C8A: variants seen among roughly 807,000 people sequenced by gnomAD.
The protein encoded by C8A is complement C8 alpha chain.
In C8A, 67 loss-of-function variants were observed where a neutral mutation model predicts 65.3. The ratio of observed to expected loss-of-function variants is 1.03; its 90% confidence interval spans 0.84 to 1.26. The LOEUF (loss-of-function observed/expected upper bound fraction) is 1.26, where lower values mean the gene tolerates loss of function less well. Among genes scored for constraint, C8A ranks in the 50% most tolerant of loss-of-function variants. C8A has a pLI of 0.00. For missense variants in C8A, 781 were observed against 723.9 expected (o/e 1.08, Z -0.90); for synonymous variants, 290 against 259.4 (o/e 1.12, Z -1.13).
intron 8 of C8A, among the ~76,000 whole-genome samples, chr1:56,907,299 G>T (rs1644473740): frequency 6.6e-6 from 1 of 152,106 alleles, no homozygotes; most frequent in African/African-American, 2.4e-5. Context: ...TTCCCCAAGT[G>T]GGAGACACAG....
Position 56,917,654 on chromosome 1 carries a change from C to A in C8A, c.1693C>A (p.Pro565Thr). 6.2e-7 allele frequency: 1 copy of A among 1,614,216 alleles called. No individual in the cohort carries two copies. The highest frequency in any genetic ancestry group is 8.5e-7 in the Non-Finnish European group (1 of 1,180,034). ...GGAAAGGAGAAGAGAGTGTGACAAT[C>A]CAGCACCTCAGAATGGAGGGGCCTC... ...IQERRRECDN[P>T]APQNGGASCP... The change falls in exon 11 of 11, where the codon CCA (proline) becomes ACA (threonine). Residue 565 changes from proline (P) to threonine (T), a missense_variant. Pro to Thr is a conservative substitution (Grantham distance 38). Coordinates refer to ENST00000361249, the MANE Select transcript of C8A (RefSeq NM_000562.3).
Position 56,874,929 on chromosome 1 carries a change from T to C in C8A, c.172-20T>C, listed in dbSNP as rs1644183225. 3 of 1,613,236 alleles carry C rather than the reference T, an allele frequency of 1.9e-6. No individual in the cohort carries two copies. The highest frequency in any genetic ancestry group is 2.5e-6 in the Non-Finnish European group (3 of 1,179,584). On this transcript the variant is annotated intron_variant, in intron 2 of 10. Transcript: ENST00000361249. ...ATTGATTGGTTGACAAGAATGTGTC[T>C]TGTTCAAAATCTGGTTTAGTACCGA...
At chr1:56,885,369 T>TA (rs1644285560) in intron 6 of C8A, among the ~76,000 whole-genome samples, 1 of 82,976 alleles carries the variant, frequency 1.2e-5, no homozygotes. Context: ...TAAATATATA[T>TA]TTATATTTAT....
At chr1:56,896,497 G>T (rs1188778426) in intron 7 of C8A, among the ~76,000 whole-genome samples, 1 of 152,170 alleles carries the variant, frequency 6.6e-6, no homozygotes, top group Non-Finnish European at 1.5e-5. Context: ...TTGAAGAAAG[G>T]AAGACTCTTC....
At chr1:56,865,504 A>G (rs2101195850) in intron 1 of C8A, among the ~76,000 whole-genome samples, 1 of 152,360 alleles carries the variant, frequency 6.6e-6, no homozygotes, top group Admixed American at 6.5e-5. Flanking sequence ...GTCACCTCCC[A>G]AAAGCCCCAC....
In C8A at chr1:56,906,655, T is replaced by G; in HGVS notation, c.1097-12T>G. On this transcript the variant is annotated splice_polypyrimidine_tract_variant and intron_variant, in intron 7 of 10. Transcript: ENST00000361249. The stretch of plus-strand genomic sequence containing the variant: ...ACTCAGCATTTTGTGTTTCTCTGTC[T>G]CCCTGTTGCAGGTATTACCAGCAGA... 6.2e-7 allele frequency: 1 copy of G among 1,614,026 alleles called. No individual in the cohort carries two copies. The highest frequency in any genetic ancestry group is 1.1e-5 in the South Asian group (1 of 91,086).
chr1:56,881,445 G>T lies in C8A; in HGVS notation c.465G>T (p.Gly155=), dbSNP rs369725525. 2.0e-5 allele frequency: 33 copies of T among 1,613,536 alleles called. No individual in the cohort carries two copies. The East Asian group carries it at 3.1e-4, about 15-fold the overall frequency. Residue 155 remains glycine (G), a splice_region_variant and synonymous_variant, in exon 5 of 11, where the codon GGG becomes GGT. Transcript: ENST00000361249. ...TTAGAAGCTGCTTTGTTCCATGTAG[G>T]TACAATATCCTGACCCAGGAAGATG... ...PIPGSQKAAL[G]YNILTQEDAQ...
At chr1:56,858,810 G>A (rs1346462824) in intron 1 of C8A, among the ~76,000 whole-genome samples, 2 of 152,204 alleles carry the variant, frequency 1.3e-5, no homozygotes, top group African/African-American at 4.8e-5. Flanking sequence ...ACTTCAGGTG[G>A]CATTGGGTCT....
At position 56,914,374 on chromosome 1, in the gene C8A, C is replaced by T. The variant is rs189263399; in HGVS notation, c.1603+1749C>T. 5.3e-5 allele frequency among the ~76,000 whole-genome samples: 8 copies of T among 152,278 alleles called. No homozygotes were observed. In the East Asian group the frequency reaches 1.4e-3, roughly 26 times the overall value. ...AAGGGATGGTCGGGCAAGACAGCCT[C>T]AAGGTCCTTCCTACCCCCAGAATCT... On this transcript the variant is annotated intron_variant, in intron 10 of 10. Transcript: ENST00000361249.
Position 56,901,872 on chromosome 1 carries a change from A to C in C8A, c.1097-4795A>C, listed in dbSNP as rs554880097. ...CAGAGTCCTCCTCGCACACTACAAT[A>C]ATTATCTGTTTCCTTGTCCATTTCC... On this transcript the variant is annotated intron_variant, in intron 7 of 10. Transcript: ENST00000361249. Among the ~76,000 whole-genome samples, 4 of 151,878 alleles carry C rather than the reference A, an allele frequency of 2.6e-5. No homozygotes were observed. In the East Asian group the frequency reaches 7.8e-4, roughly 30 times the overall value.
intron 4 of C8A, among the ~76,000 whole-genome samples, chr1:56,879,597 T>A (rs147525061): frequency 9.1e-4 from 138 of 152,278 alleles, no homozygotes; most frequent in Non-Finnish European, 1.6e-3. Flanking sequence ...GATTTTACTA[T>A]CAACAAAATC....
chr1:56,863,161 A>G (rs754435846), intron 1 of C8A, among the ~76,000 whole-genome samples: 1 of 152,230 alleles, frequency 6.6e-6, no homozygotes, highest in Non-Finnish European at 1.5e-5. Flanking sequence ...TATTAATGAC[A>G]GTAAAATTTG....
At chr1:56,913,463 G>T (rs1022068620) in intron 10 of C8A, among the ~76,000 whole-genome samples, 1 of 152,200 alleles carries the variant, frequency 6.6e-6, no homozygotes, top group African/African-American at 2.4e-5. Flanking sequence ...TATCAAACAA[G>T]CATTAAAAGT....
At chr1:56,912,028 T>A (rs910705208) in intron 9 of C8A, among the ~76,000 whole-genome samples, 12 of 152,080 alleles carry the variant, frequency 7.9e-5, no homozygotes, top group African/African-American at 2.7e-4. Context: ...ACTGTGAGGA[T>A]TAAGGGAGAT....
chr1:56,874,240 G>A (rs1160866710), intron 2 of C8A, among the ~76,000 whole-genome samples: 2 of 152,184 alleles, frequency 1.3e-5, no homozygotes, highest in Non-Finnish European at 2.9e-5. Context: ...AATCCTTGAA[G>A]CAATGATTAC....
chr1:56,897,756 G>GGAAACAA (rs2101277801), intron 7 of C8A, among the ~76,000 whole-genome samples: 1 of 152,212 alleles, frequency 6.6e-6, no homozygotes, highest in East Asian at 1.9e-4. Context: ...GTTGGAAACA[G>GGAAACAA]GAAACAATCT....
chr1:56,898,546 C>T (rs1030964909), intron 7 of C8A, among the ~76,000 whole-genome samples: 1 of 152,106 alleles, frequency 6.6e-6, no homozygotes, highest in African/African-American at 2.4e-5. Context: ...CTGGTTTATG[C>T]TTATTCATCC....
intron 1 of C8A, among the ~76,000 whole-genome samples, chr1:56,863,321 T>C (rs1215162090): frequency 1.3e-5 from 2 of 152,208 alleles, no homozygotes; most frequent in Non-Finnish European, 2.9e-5. Flanking sequence ...GTTGGAGCCC[T>C]GTAATGACTT....
chr1:56,864,207 A>G (rs1019761219), intron 1 of C8A, among the ~76,000 whole-genome samples: 3 of 152,190 alleles, frequency 2.0e-5, no homozygotes, highest in Non-Finnish European at 4.4e-5. Context: ...TATGATGAGA[A>G]TGAAAGATAC....
Sources: allele counts gnomAD v4.1 joint callset (sites outside exome capture counted in the v4.1 genomes callset), GRCh38; gene constraint gnomAD v4.1.1; transcripts MANE v1.5; gene names NCBI Gene and HGNC (gene_info 2026-07-23, HGNC 2026-07-21).